MACROD2: variants seen among roughly 807,000 people sequenced by gnomAD.
The protein encoded by MACROD2 is mono-ADP ribosylhydrolase 2, also known as ADP-ribose glycohydrolase MACROD2.
MACROD2 carries 36 observed loss-of-function variants against 70.4 expected under a neutral mutation model. The ratio of observed to expected loss-of-function variants is 0.51; its 90% CI spans 0.39 to 0.68. The LOEUF is 0.68. Ranked by LOEUF, MACROD2 falls within the 30% of genes least tolerant of loss-of-function variation. The probability of loss-of-function intolerance (pLI) is 0.00; values close to 1 mark genes in which losing one functional copy is unlikely to be tolerated. For synonymous variants in MACROD2, 172 were observed against 178.8 expected (o/e 0.96, Z 0.30); for missense variants, 496 against 538.4 (o/e 0.92, Z 0.78).
chr20:14,696,652 C>G (rs1353142794), intron 5 of MACROD2, among the ~76,000 whole-genome samples: 1 of 152,114 alleles, frequency 6.6e-6, no homozygotes, highest in African/African-American at 2.4e-5. Context: ...AAGATTTATT[C>G]TCTCTGTGTG....
chr20:15,252,937 C>G (rs1033584321), intron 6 of MACROD2, among the ~76,000 whole-genome samples: 1 of 152,204 alleles, frequency 6.6e-6, no homozygotes, highest in African/African-American at 2.4e-5. Context: ...CGCCCCTTGA[C>G]TCTGTAGGTC....
chr20:15,201,045 ACCTCC>A (rs145285149), intron 5 of MACROD2, among the ~76,000 whole-genome samples: 2,788 of 152,126 alleles, frequency 0.018, 85 homozygotes, highest in African/African-American at 0.064. Flanking sequence ...ATTCCCAACC[ACCTCC>A]CAGGTGCTGC....
chr20:15,840,572 C>G (rs943233331), intron 8 of MACROD2, among the ~76,000 whole-genome samples: 11 of 152,158 alleles, frequency 7.2e-5, no homozygotes, highest in Non-Finnish European at 1.3e-4. Flanking sequence ...TCACCTATAT[C>G]TACTTCCACA....
chr20:15,546,473 C>T lies in MACROD2; in HGVS notation c.645+46626C>T, dbSNP rs1445116051. On this transcript the variant is annotated intron_variant, in intron 8 of 17. Transcript: ENST00000684519. ...TGTGACAGCCAGGGCAGCTTGATTT[C>T]AAGATATCTCAATACTGAAGTTAAA... Among the ~76,000 whole-genome samples, 6 of 152,146 alleles carry T rather than the reference C, an allele frequency of 3.9e-5. No homozygotes were observed. The South Asian group carries it at 1.2e-3, about 32-fold the overall frequency.
chr20:14,484,746 C>T (rs1568633821), intron 3 of MACROD2, among the ~76,000 whole-genome samples: 1 of 152,190 alleles, frequency 6.6e-6, no homozygotes, highest in African/African-American at 2.4e-5. Context: ...CCAGTTCCAT[C>T]CTTGTTGTTG....
chr20:14,111,883 T>C (rs2054456071), intron 3 of MACROD2, among the ~76,000 whole-genome samples: 1 of 152,022 alleles, frequency 6.6e-6, no homozygotes, highest in African/African-American at 2.4e-5. Flanking sequence ...GAAATTGGTA[T>C]ATTGAAGAGA....
chr20:15,120,899 G>T (rs935196330), intron 5 of MACROD2, among the ~76,000 whole-genome samples: 17 of 152,216 alleles, frequency 1.1e-4, no homozygotes, highest in African/African-American at 3.9e-4. Flanking sequence ...CCCTCTCTTA[G>T]GTGGTCTTTG....
At chr20:14,129,670 A>G (rs2054693549) in intron 3 of MACROD2, among the ~76,000 whole-genome samples, 1 of 152,170 alleles carries the variant, frequency 6.6e-6, no homozygotes, top group African/African-American at 2.4e-5. Context: ...GATGTTTTAA[A>G]TTTCATTGTC....
intron 8 of MACROD2, among the ~76,000 whole-genome samples, chr20:15,745,138 G>T (rs2051163385): frequency 6.6e-6 from 1 of 152,136 alleles, no homozygotes; most frequent in Non-Finnish European, 1.5e-5. Flanking sequence ...TCATTGTATG[G>T]TTGGGAGATA....
At chr20:14,809,560 C>A (rs1030557504) in intron 5 of MACROD2, among the ~76,000 whole-genome samples, 1 of 151,660 alleles carries the variant, frequency 6.6e-6, no homozygotes, top group Non-Finnish European at 1.5e-5. Context: ...CAAAAGCTAG[C>A]AGAAGACAAG....
At chr20:14,465,607 T>G (rs538648086) in intron 3 of MACROD2, among the ~76,000 whole-genome samples, 6 of 152,240 alleles carry the variant, frequency 3.9e-5, no homozygotes, top group African/African-American at 1.4e-4. Context: ...GATTGTTAGT[T>G]GATGCAGTTT....
At chr20:14,740,142 C>A (rs1445685860) in intron 5 of MACROD2, among the ~76,000 whole-genome samples, 1 of 151,990 alleles carries the variant, frequency 6.6e-6, no homozygotes, top group Non-Finnish European at 1.5e-5. Flanking sequence ...AACCAAAATT[C>A]CTCCGCTTAT....
At chr20:15,876,310 G>C (rs141429125) in intron 9 of MACROD2, among the ~76,000 whole-genome samples, 2 of 151,682 alleles carry the variant, frequency 1.3e-5, no homozygotes, top group East Asian at 3.9e-4. Context: ...TTCCCTTCCT[G>C]TGTCCAAGTG....
chr20:15,873,664 G>T (rs1278706665), intron 9 of MACROD2, among the ~76,000 whole-genome samples: 1 of 151,468 alleles, frequency 6.6e-6, no homozygotes, highest in Non-Finnish European at 1.5e-5. Context: ...AGAAAGATAA[G>T]ATTTTAAAAT....
At chr20:14,500,757 C>A (rs77407237) in intron 4 of MACROD2, among the ~76,000 whole-genome samples, 2,030 of 152,338 alleles carry the variant, frequency 0.013, 40 homozygotes, top group African/African-American at 0.046. Context: ...TCTAAGTGAA[C>A]CTCCCTGTTG....
chr20:15,958,014 A>G (rs1268946485), intron 12 of MACROD2, among the ~76,000 whole-genome samples: 1 of 152,204 alleles, frequency 6.6e-6, no homozygotes. Context: ...TATCACAAAT[A>G]TGTTTGAGGA....
chr20:14,890,226 G>T (rs1043932787), intron 5 of MACROD2, among the ~76,000 whole-genome samples: 5 of 152,092 alleles, frequency 3.3e-5, no homozygotes, highest in African/African-American at 1.2e-4. Context: ...CTTGAGAGTT[G>T]TTGGTAAGTA....
At chr20:14,973,952 T>G (rs2074715093) in intron 5 of MACROD2, among the ~76,000 whole-genome samples, 2 of 152,206 alleles carry the variant, frequency 1.3e-5, no homozygotes, top group South Asian at 4.1e-4. Flanking sequence ...AACATTCACT[T>G]TGGCTACTGG....
At position 14,476,652 on chromosome 20, in the gene MACROD2, C is replaced by T. The variant is rs959756686; in HGVS notation, c.272-16827C>T. Among the ~76,000 whole-genome samples, 8 of 152,160 alleles carry T rather than the reference C, an allele frequency of 5.3e-5. No homozygotes were observed. In the South Asian group the frequency reaches 6.2e-4, roughly 12 times the overall value. Reference sequence around the variant, plus strand: ...GATTACAGGCGTGAGCCACCATGCCCGGCGTATTACCTTTCTTTCTATAAT... The same window carrying T: ...GATTACAGGCGTGAGCCACCATGCCTGGCGTATTACCTTTCTTTCTATAAT... On this transcript the variant is annotated intron_variant, in intron 3 of 17. Coordinates refer to ENST00000684519, the MANE Select transcript of MACROD2 (RefSeq NM_001351661.2).
Sources: gnomAD v4.1 joint callset for allele counts (sites outside exome capture counted in the v4.1 genomes callset) on GRCh38, gnomAD v4.1.1 for gene constraint, MANE v1.5 for transcripts, NCBI Gene and HGNC (gene_info 2026-07-23, HGNC 2026-07-21) for gene names.